The following KIAA1217 variants were observed in gnomAD, a reference collection of about 807,000 sequenced individuals.
KIAA1217 encodes the protein KIAA1217.
KIAA1217 carries 88 observed loss-of-function variants against 163.9 expected under a neutral mutation model. The observed-to-expected ratio is 0.54, with a 90% CI of 0.45 to 0.64. The LOEUF is 0.64. Among genes scored for constraint, KIAA1217 ranks in the 30% least tolerant of loss-of-function variants. The pLI, the probability that KIAA1217 is intolerant of heterozygous loss-of-function variation, is 0.00. For missense variants in KIAA1217, 2,372 were observed against 2,475.0 expected, an observed-to-expected ratio of 0.96 and a Z score of 0.88; for synonymous variants, 903 against 923.1, an observed-to-expected ratio of 0.98 and a Z score of 0.39.
At chr10:24,503,994 A>G (rs2068016420) in intron 9 of KIAA1217, among the ~76,000 whole-genome samples, 1 of 152,174 alleles carries the variant, frequency 6.6e-6, no homozygotes, top group Admixed American at 6.5e-5. Flanking sequence ...TCCCCTGGGA[A>G]TTTCACAGGC....
At chr10:23,699,839 T>C (rs1412108559) in intron 1 of KIAA1217, among the ~76,000 whole-genome samples, 5 of 152,218 alleles carry the variant, frequency 3.3e-5, no homozygotes, top group Non-Finnish European at 5.9e-5. Context: ...TATAGCTTAA[T>C]ATAATTGCTT....
At chr10:24,206,714 A>G (rs77068357), upstream of KIAA1217, among the ~76,000 whole-genome samples, 3,652 of 152,320 alleles carry the variant, frequency 0.024, 81 homozygotes, top group Non-Finnish European at 0.031. Flanking sequence ...ATGATCCTTA[A>G]TGATTCATGT....
intron 5 of KIAA1217, among the ~76,000 whole-genome samples, chr10:24,463,264 C>A (rs2062608460): frequency 6.6e-6 from 1 of 152,194 alleles, no homozygotes; most frequent in Non-Finnish European, 1.5e-5. Flanking sequence ...AGATTGAGAT[C>A]TTTAATCACT....
intron 2 of KIAA1217, among the ~76,000 whole-genome samples, chr10:24,022,200 T>A (rs976762968): frequency 2.0e-5 from 3 of 150,808 alleles, no homozygotes; most frequent in Admixed American, 6.6e-5. Flanking sequence ...AAAACACATA[T>A]CTGATTTAAA....
intron 2 of KIAA1217, among the ~76,000 whole-genome samples, chr10:24,350,222 G>A (rs545288991): frequency 2.6e-5 from 4 of 152,318 alleles, no homozygotes; most frequent in African/African-American, 9.6e-5. Context: ...TGCTGCAGAT[G>A]CTTCCTGGTT....
chr10:24,429,856 T>A (rs1404222768), intron 3 of KIAA1217, among the ~76,000 whole-genome samples: 1 of 152,158 alleles, frequency 6.6e-6, no homozygotes, highest in Non-Finnish European at 1.5e-5. Flanking sequence ...AAAATCTGTT[T>A]GTCAGGCCAG....
At chr10:23,934,571 A>ATATATGTGTGTGTGTGTGTATG (rs1843406501) in intron 1 of KIAA1217, among the ~76,000 whole-genome samples, 3 of 76,658 alleles carry the variant, frequency 3.9e-5, no homozygotes, top group Non-Finnish European at 4.3e-5. Context: ...ATATATATAT[A>ATATATGTGTGTGTGTGTGTATG]TATATATATA....
At chr10:24,154,926 CAAAA>C (rs1250719385) in intron 2 of KIAA1217, among the ~76,000 whole-genome samples, 3 of 68,670 alleles carry the variant, frequency 4.4e-5, no homozygotes, top group Admixed American at 1.7e-4. Flanking sequence ...GACTCCATGT[CAAAA>C]AAAAAAAAAA....
intron 1 of KIAA1217, among the ~76,000 whole-genome samples, chr10:23,747,724 C>A (rs1839486605): frequency 6.6e-6 from 1 of 152,136 alleles, no homozygotes; most frequent in African/African-American, 2.4e-5. Context: ...GAAGTGAGTT[C>A]CTTCAGAAGC....
intron 3 of KIAA1217, among the ~76,000 whole-genome samples, chr10:24,390,490 A>C (rs551187881): frequency 4.9e-5 from 7 of 141,880 alleles, no homozygotes; most frequent in African/African-American, 1.9e-4. Context: ...GGAAGGAAGG[A>C]AGGAAGGAAG....
At chr10:24,071,569 T>G (rs903212630) in intron 2 of KIAA1217, among the ~76,000 whole-genome samples, 1 of 152,228 alleles carries the variant, frequency 6.6e-6, no homozygotes, top group Non-Finnish European at 1.5e-5. Context: ...TTTCTCATTT[T>G]GAAGTACATG....
At chr10:23,817,968 T>C (rs1837390443) in intron 1 of KIAA1217, among the ~76,000 whole-genome samples, 1 of 27,244 alleles carries the variant, frequency 3.7e-5, no homozygotes, top group African/African-American at 1.6e-4. Context: ...GGCACATATA[T>C]ATATATATAT....
chr10:23,727,950 A>T (rs1260432487), intron 1 of KIAA1217, among the ~76,000 whole-genome samples: 1 of 152,236 alleles, frequency 6.6e-6, no homozygotes, highest in African/African-American at 2.4e-5. Flanking sequence ...TTCCAGCTTC[A>T]TCCATGTCCC....
At chr10:23,832,599 G>A (rs954404236) in intron 1 of KIAA1217, among the ~76,000 whole-genome samples, 3 of 152,104 alleles carry the variant, frequency 2.0e-5, no homozygotes, top group African/African-American at 7.2e-5. Context: ...GGGGCTCCCA[G>A]TTATCAGTTG....
chr10:23,864,966 G>T (rs1488795101), intron 1 of KIAA1217, among the ~76,000 whole-genome samples: 1 of 152,020 alleles, frequency 6.6e-6, no homozygotes, highest in Non-Finnish European at 1.5e-5. Flanking sequence ...CATTATGAAG[G>T]ATAATCTGCT....
intron 6 of KIAA1217, among the ~76,000 whole-genome samples, chr10:24,489,099 A>C (rs2065772903): frequency 6.6e-6 from 1 of 152,184 alleles, no homozygotes; most frequent in Admixed American, 6.5e-5. Flanking sequence ...TAGAACTAGA[A>C]GCAAATGGCG....
intron 2 of KIAA1217, among the ~76,000 whole-genome samples, chr10:24,087,118 G>A (rs546869094): frequency 6.6e-6 from 1 of 152,120 alleles, no homozygotes; most frequent in Admixed American, 6.6e-5. Flanking sequence ...TAACACCAAT[G>A]ATGACTTAGA....
intron 1 of KIAA1217, among the ~76,000 whole-genome samples, chr10:23,724,860 T>C (rs1293876623): frequency 6.6e-6 from 1 of 152,202 alleles, no homozygotes; most frequent in African/African-American, 2.4e-5. Context: ...AGACATGCCA[T>C]GTGTAACTCT....
chr10:23,756,344 T>A (rs1384859012), intron 1 of KIAA1217, among the ~76,000 whole-genome samples: 4 of 152,122 alleles, frequency 2.6e-5, no homozygotes, highest in Non-Finnish European at 5.9e-5. Context: ...GTAATTAATA[T>A]TTTAAAAAAC....
Sources: allele counts gnomAD v4.1 joint callset (sites outside exome capture counted in the v4.1 genomes callset), GRCh38; gene constraint gnomAD v4.1.1; transcripts MANE v1.5; gene names NCBI Gene and HGNC (gene_info 2026-07-23, HGNC 2026-07-21).